MRTFA: variants seen among roughly 807,000 people sequenced by gnomAD.
MRTFA encodes the protein myocardin-related transcription factor A.
A neutral mutation model predicts 83.5 loss-of-function variants in MRTFA; 20 were observed. That is an observed-to-expected ratio of 0.24 (90% CI 0.17 to 0.35). MRTFA has a LOEUF of 0.35. Among genes scored for constraint, MRTFA ranks in the 10% least tolerant of loss-of-function variants. The pLI, the probability that MRTFA is intolerant of heterozygous loss-of-function variation, is 1.00. For missense variants in MRTFA, 1,200 were observed against 1,224.7 expected (o/e 0.98, Z 0.30); for synonymous variants, 659 against 541.2 (o/e 1.22, Z -3.02).
In MRTFA at chr22:40,411,729, C is replaced by T; in HGVS notation, c.2757G>A (p.Glu919=). The change falls in exon 15 of 15, where the codon GAG becomes GAA. Residue 919 remains glutamate (E), a synonymous_variant. Transcript: ENST00000355630. Reference sequence around the variant, plus strand: ...TCAGCAGGGGCAGCCCCGTGCTGCTCTCCAGGAAGTCCTCCAGGCGTCCAG... The same window carrying T: ...TCAGCAGGGGCAGCCCCGTGCTGCTTTCCAGGAAGTCCTCCAGGCGTCCAG... 2 of 1,558,768 alleles carry T rather than the reference C, an allele frequency of 1.3e-6. No individual in the cohort carries two copies. The highest frequency in any genetic ancestry group is 2.4e-5 in the South Asian group (2 of 83,314).
At chr22:40,540,594 A>G (rs1281418649) in intron 3 of MRTFA, among the ~76,000 whole-genome samples, 3 of 152,030 alleles carry the variant, frequency 2.0e-5, no homozygotes, top group Non-Finnish European at 4.4e-5. Context: ...AACCTGACCA[A>G]CATGGTGAAA....
chr22:40,589,698 C>T (rs1318751408), intron 2 of MRTFA, among the ~76,000 whole-genome samples: 2 of 152,164 alleles, frequency 1.3e-5, no homozygotes, highest in African/African-American at 4.8e-5. Flanking sequence ...CGTCCCAAGG[C>T]TCTTAAGCAA....
At chr22:40,594,021 T>C (rs562660168) in intron 2 of MRTFA, among the ~76,000 whole-genome samples, 2 of 152,374 alleles carry the variant, frequency 1.3e-5, no homozygotes, top group South Asian at 2.1e-4. Context: ...CTGCCATCTA[T>C]AGCTCTTTTT....
At chr22:40,512,461 C>T (rs1350838589) in intron 3 of MRTFA, among the ~76,000 whole-genome samples, 1 of 152,192 alleles carries the variant, frequency 6.6e-6, no homozygotes, top group Non-Finnish European at 1.5e-5. Flanking sequence ...ATCATCCTTC[C>T]ACTCAGGGTA....
intron 3 of MRTFA, among the ~76,000 whole-genome samples, chr22:40,493,392 T>TA (rs1250365074): frequency 3.9e-5 from 6 of 152,126 alleles, no homozygotes; most frequent in African/African-American, 1.4e-4. Context: ...GGAAACTAGA[T>TA]AAAGTATAAG....
At chr22:40,527,758 TAA>T (rs56235942) in intron 3 of MRTFA, among the ~76,000 whole-genome samples, 47 of 100,002 alleles carry the variant, frequency 4.7e-4, no homozygotes, top group Non-Finnish European at 4.6e-4. Context: ...GACTCCATCT[TAA>T]AAAAAAAAAA....
rs1409084632 is a variant in MRTFA, at chr22:40,411,321, C to T, written c.*69G>A. Reference sequence around the variant, plus strand: ...ACAACCATGTGGAGAGGCCGAATCACGCAGGAGAGCCACGCATTGGAGTAC... The same window carrying T: ...ACAACCATGTGGAGAGGCCGAATCATGCAGGAGAGCCACGCATTGGAGTAC... On this transcript the variant is annotated 3_prime_UTR_variant, in exon 15 of 15. Transcript: ENST00000355630. The T allele has an allele frequency of 4.8e-6, 7 of 1,473,150 alleles. No individual in the cohort carries two copies. Among genetic ancestry groups the T allele is most frequent in the East Asian group, 2.3e-5 (1 of 43,490 alleles). 91.3% of individuals were successfully genotyped at this position (1,473,150 alleles called of 1,614,324 possible).
intron 4 of MRTFA, among the ~76,000 whole-genome samples, 187 bp from the exon 5 acceptor site, chr22:40,435,741 G>C (rs1041529810): frequency 6.6e-6 from 1 of 151,866 alleles, no homozygotes; most frequent in African/African-American, 2.4e-5. Context: ...GACCATCCTG[G>C]CTAACATGGT....
In MRTFA at chr22:40,477,449, C is replaced by T. The variant is rs189812934; in HGVS notation, c.242-14163G>A. Among the ~76,000 whole-genome samples the T allele has an allele frequency of 2.7e-3, 415 of 152,180 alleles. 5 individuals carry two copies. The highest frequency in any genetic ancestry group is 9.6e-3 in the African/African-American group (397 of 41,478). Reference sequence around the variant, plus strand: ...GAACACAGAGGTCCCAATCCTAGCTCTGTTGCTACCTAATCAAGTAACTTT... The same window carrying T: ...GAACACAGAGGTCCCAATCCTAGCTTTGTTGCTACCTAATCAAGTAACTTT... On this transcript the variant is annotated intron_variant, in intron 3 of 14. Transcript: ENST00000355630.
rs1271524893 is a variant in MRTFA at position 40,625,445 on chromosome 22, CTCTCTAAATAAATAAA to C, written c.-84+11017_-84+11032del. Among the ~76,000 whole-genome samples the C allele has an allele frequency of 7.0e-5, 10 of 142,010 alleles. No individual in the cohort carries two copies. The East Asian group carries it at 1.0e-3, about 15-fold the overall frequency. The allele number at this position is 142,010 out of a possible 152,430, so 93.2% of individuals were successfully genotyped here. ...AGCCCAGGCAACATAGCAAGGCCCTCTCTCTAAATAAATAAATAAATAAATAAATAAATAAATAAAT... is the reference window on the plus strand; with the variant it reads ...AGCCCAGGCAACATAGCAAGGCCCTCTAAATAAATAAATAAATAAATAAAT... On this transcript the variant is annotated intron_variant, in intron 1 of 14. Transcript: ENST00000355630.
At chr22:40,479,280 A>G (rs146178339) in intron 3 of MRTFA, among the ~76,000 whole-genome samples, 48 of 152,252 alleles carry the variant, frequency 3.2e-4, no homozygotes, top group African/African-American at 1.1e-3. Flanking sequence ...CATTTGCATA[A>G]TAAGATTAGG....
At chr22:40,500,883 T>C (rs2054456796) in intron 3 of MRTFA, among the ~76,000 whole-genome samples, 1 of 151,000 alleles carries the variant, frequency 6.6e-6, no homozygotes. Flanking sequence ...ATTGTCATCC[T>C]GGCCCATTCT....
At chr22:40,558,907 TC>T (rs1170974274) in intron 2 of MRTFA, among the ~76,000 whole-genome samples, 2 of 151,360 alleles carry the variant, frequency 1.3e-5, no homozygotes, top group African/African-American at 4.8e-5. Context: ...TGTCTCAGCC[TC>T]CCGAGTAGCT....
intron 3 of MRTFA, among the ~76,000 whole-genome samples, chr22:40,490,848 G>A (rs572047463): frequency 6.6e-6 from 1 of 152,202 alleles, no homozygotes; most frequent in African/African-American, 2.4e-5. Context: ...GATAATTAGG[G>A]TTTCCAAGAT....
At chr22:40,541,609 C>T (rs956550875) in intron 3 of MRTFA, among the ~76,000 whole-genome samples, 2 of 152,140 alleles carry the variant, frequency 1.3e-5, no homozygotes, top group African/African-American at 4.8e-5. Context: ...CACACATTAC[C>T]ACAGGTATAT....
At chr22:40,604,723 G>A (rs2056299361) in intron 1 of MRTFA, among the ~76,000 whole-genome samples, 2 of 151,880 alleles carry the variant, frequency 1.3e-5, no homozygotes, top group Admixed American at 6.6e-5. Context: ...CTCCAGCCAG[G>A]TTACAGAGCA....
At chr22:40,468,805 G>C (rs989671041) in intron 3 of MRTFA, among the ~76,000 whole-genome samples, 1 of 152,290 alleles carries the variant, frequency 6.6e-6, no homozygotes, top group Non-Finnish European at 1.5e-5. Context: ...CCCCCACTCA[G>C]ATATTTGGCT....
chr22:40,527,533 A>G (rs1309023362), intron 3 of MRTFA, among the ~76,000 whole-genome samples: 1 of 152,000 alleles, frequency 6.6e-6, no homozygotes, highest in Non-Finnish European at 1.5e-5. Flanking sequence ...TGAGGTGGGC[A>G]GATCACGAAG....
At chr22:40,428,688 A>AT (rs1373999032) in intron 7 of MRTFA, among the ~76,000 whole-genome samples, 4 of 151,736 alleles carry the variant, frequency 2.6e-5, no homozygotes, top group South Asian at 2.1e-4. Flanking sequence ...TAATTTTTTG[A>AT]TTTTTTTTGT....
Sources: allele counts gnomAD v4.1 joint callset (sites outside exome capture counted in the v4.1 genomes callset), GRCh38; gene constraint gnomAD v4.1.1; transcripts MANE v1.5; gene names NCBI Gene and HGNC (gene_info 2026-07-23, HGNC 2026-07-21).